SYNPR: variants seen among roughly 807,000 people sequenced by gnomAD.
SYNPR encodes the protein synaptoporin.
In SYNPR, 23 loss-of-function variants were observed where a neutral mutation model predicts 32.9. The observed-to-expected ratio is 0.70, with a 90% confidence interval of 0.50 to 0.99. The LOEUF is 0.99. SYNPR is among the 50% of genes least tolerant of loss of function. The pLI is 0.00. For missense variants in SYNPR, 318 were observed against 349.3 expected (o/e 0.91, Z 0.71); for synonymous variants, 146 against 135.9 (o/e 1.07, Z -0.52).
Position 63,419,846 on chromosome 3 carries a change from G to A in SYNPR, c.85-60986G>A, listed in dbSNP as rs560115139. Among the ~76,000 whole-genome samples, 5 of 152,280 alleles carry A rather than the reference G, an allele frequency of 3.3e-5. No homozygotes were observed. In the East Asian group the frequency reaches 9.6e-4, roughly 29 times the overall value. On this transcript the variant is annotated intron_variant, in intron 2 of 5. Coordinates refer to ENST00000478300, the MANE Select transcript of SYNPR (RefSeq NM_001130003.2). Reference sequence around the variant, plus strand: ...ACAGAACAGAGAACATATCATTTTAGACATCAGCTCATAAGCAATACTAGT... The same window carrying A: ...ACAGAACAGAGAACATATCATTTTAAACATCAGCTCATAAGCAATACTAGT...
intron 2 of SYNPR, among the ~76,000 whole-genome samples, chr3:63,256,304 C>A (rs2086382664): frequency 6.6e-6 from 1 of 152,216 alleles, no homozygotes; most frequent in African/African-American, 2.4e-5. Flanking sequence ...AGTAGCCTAA[C>A]TGGGAGGCAC....
At chr3:63,410,271 A>G (rs2088444714) in intron 2 of SYNPR, among the ~76,000 whole-genome samples, 2 of 152,184 alleles carry the variant, frequency 1.3e-5, no homozygotes, top group South Asian at 2.1e-4. Context: ...CACTGAAATC[A>G]TGAACTTAAT....
intron 1 of SYNPR, among the ~76,000 whole-genome samples, chr3:63,233,980 CA>C (rs1382898466): frequency 6.6e-6 from 1 of 152,164 alleles, no homozygotes; most frequent in Non-Finnish European, 1.5e-5. Context: ...TTATTTCTGA[CA>C]AGAGCCTGTT....
intron 4 of SYNPR, among the ~76,000 whole-genome samples, chr3:63,574,504 G>A (rs1330892465): frequency 2.0e-5 from 3 of 152,140 alleles, no homozygotes; most frequent in Admixed American, 6.5e-5. Flanking sequence ...AGGAGAAGTG[G>A]AATCTGGCAA....
intron 3 of SYNPR, among the ~76,000 whole-genome samples, chr3:63,516,353 A>G (rs1230739198): frequency 6.6e-6 from 1 of 152,160 alleles, no homozygotes; most frequent in Non-Finnish European, 1.5e-5. Context: ...GAGAGGTTCT[A>G]TAGAATACTC....
chr3:63,311,950 A>G (rs2086970548), intron 2 of SYNPR, among the ~76,000 whole-genome samples: 1 of 151,968 alleles, frequency 6.6e-6, no homozygotes, highest in Non-Finnish European at 1.5e-5. Context: ...AAACTTTAAA[A>G]AAGGAAATTC....
At chr3:63,539,841 C>T (rs1702268481) in intron 3 of SYNPR, among the ~76,000 whole-genome samples, 1 of 152,112 alleles carries the variant, frequency 6.6e-6, no homozygotes, top group Non-Finnish European at 1.5e-5. Context: ...ATGGAACACA[C>T]CCAAGAATCC....
At chr3:63,332,110 C>G (rs551380376) in intron 2 of SYNPR, among the ~76,000 whole-genome samples, 2 of 152,252 alleles carry the variant, frequency 1.3e-5, no homozygotes, top group East Asian at 3.9e-4. Context: ...CAGAAGAAGA[C>G]CTATAGTGTG....
chr3:63,344,664 G>C (rs1043165960), intron 2 of SYNPR, among the ~76,000 whole-genome samples: 16 of 147,404 alleles, frequency 1.1e-4, no homozygotes, highest in African/African-American at 4.0e-4. Flanking sequence ...GGTTGTTTTT[G>C]CCCACTGCAC....
At chr3:63,341,981 T>A (rs1046959663) in intron 2 of SYNPR, among the ~76,000 whole-genome samples, 3 of 152,212 alleles carry the variant, frequency 2.0e-5, no homozygotes, top group Non-Finnish European at 2.9e-5. Flanking sequence ...TCTAGAGGCA[T>A]TACAATTTTG....
chr3:63,553,002 G>A (rs187356016), intron 3 of SYNPR, among the ~76,000 whole-genome samples: 8 of 152,106 alleles, frequency 5.3e-5, no homozygotes, highest in Non-Finnish European at 1.0e-4. Flanking sequence ...TTAGATATGG[G>A]GGTACATGTG....
At chr3:63,445,421 C>A (rs2107167027) in intron 2 of SYNPR, 1 of 604,112 alleles carries the variant, frequency 1.7e-6, no homozygotes, top group East Asian at 2.8e-5. Context: ...TCTGAAAGGT[C>A]CATAATATCA....
chr3:63,458,669 AC>A (rs1429517797), intron 2 of SYNPR, among the ~76,000 whole-genome samples: 6 of 152,056 alleles, frequency 3.9e-5, no homozygotes, highest in Non-Finnish European at 5.9e-5. Context: ...AATAGATTCC[AC>A]TTCTTGGCAG....
intron 1 of SYNPR, among the ~76,000 whole-genome samples, chr3:63,251,106 G>C (rs992036629): frequency 6.6e-6 from 1 of 151,490 alleles, no homozygotes; most frequent in Non-Finnish European, 1.5e-5. Flanking sequence ...TGTACTACTG[G>C]GTACATTTTC....
rs147115731 is a variant in SYNPR, at chr3:63,549,284, A to G, written c.210-7259A>G. 1.4e-3 allele frequency among the ~76,000 whole-genome samples: 219 copies of G among 152,340 alleles called. 1 individual carries two copies. The highest frequency in any genetic ancestry group is 5.0e-3 in the African/African-American group (206 of 41,582). On this transcript the variant is annotated intron_variant, in intron 3 of 5. Coordinates refer to ENST00000478300, the MANE Select transcript of SYNPR (RefSeq NM_001130003.2). ...TTTAGAATCCTATTCAGTACAGACT[A>G]TCAGTCTACCGTTAGATGAGATGGC...
At chr3:63,232,107 G>A (rs888873087) in intron 1 of SYNPR, among the ~76,000 whole-genome samples, 4 of 151,044 alleles carry the variant, frequency 2.6e-5, no homozygotes, top group African/African-American at 7.3e-5. Context: ...TCTGCAGGAG[G>A]ATATATGGGA....
chr3:63,486,641 T>C (rs897852167), intron 3 of SYNPR, among the ~76,000 whole-genome samples: 3 of 152,178 alleles, frequency 2.0e-5, no homozygotes, highest in Admixed American at 1.3e-4. Flanking sequence ...AGAAGATAGA[T>C]AGATGAGTAG....
chr3:63,507,823 G>GAA (rs151037843), intron 3 of SYNPR, among the ~76,000 whole-genome samples: 1 of 147,778 alleles, frequency 6.8e-6, no homozygotes, highest in African/African-American at 2.5e-5. Flanking sequence ...ACAAAGAAAA[G>GAA]AAAAAAAATG....
chr3:63,389,627 A>C (rs1034064747), intron 2 of SYNPR, among the ~76,000 whole-genome samples: 30 of 152,190 alleles, frequency 2.0e-4, no homozygotes, highest in Non-Finnish European at 3.4e-4. Context: ...GAGACACCCC[A>C]TCAGCCCCTT....
Sources: gnomAD v4.1 joint callset for allele counts (sites outside exome capture counted in the v4.1 genomes callset) on GRCh38, gnomAD v4.1.1 for gene constraint, MANE v1.5 for transcripts, NCBI Gene and HGNC (gene_info 2026-07-23, HGNC 2026-07-21) for gene names.